SATB1: variants seen among roughly 807,000 people sequenced by gnomAD.
SATB1 encodes the protein DNA-binding protein SATB1.
A neutral mutation model predicts 86.9 loss-of-function variants in SATB1; 11 were observed. That is an observed-to-expected ratio of 0.13 (90% CI 0.08 to 0.21). The LOEUF (loss-of-function observed/expected upper bound fraction) is 0.21. SATB1 is among the 10% of genes least tolerant of loss of function. The pLI is 1.00. For synonymous variants in SATB1, 357 were observed against 357.2 expected (o/e 1.00, Z 0.01); for missense variants, 551 against 937.6 (o/e 0.59, Z 5.39).
At chr3:18,356,532 A>G (rs1694650766) in intron 9 of SATB1, among the ~76,000 whole-genome samples, 1 of 151,936 alleles carries the variant, frequency 6.6e-6, no homozygotes, top group Non-Finnish European at 1.5e-5. Flanking sequence ...GGTCCATGAA[A>G]CACATGACTG....
chr3:18,442,903 T>C (rs913731937), upstream of SATB1, among the ~76,000 whole-genome samples: 1 of 152,210 alleles, frequency 6.6e-6, no homozygotes, highest in African/African-American at 2.4e-5. Flanking sequence ...ATGAATGTAC[T>C]ACTGTTCTAA....
chr3:18,366,586 C>T (rs74544481), intron 9 of SATB1, among the ~76,000 whole-genome samples: 3,903 of 152,206 alleles, frequency 0.026, 168 homozygotes, highest in African/African-American at 0.087. Flanking sequence ...TGCTAGCAAT[C>T]ACCACCCTAC....
chr3:18,391,640 A>G (rs1001003526), intron 7 of SATB1, among the ~76,000 whole-genome samples: 8 of 148,866 alleles, frequency 5.4e-5, no homozygotes, highest in Non-Finnish European at 8.9e-5. Context: ...TTGGTTTTTT[A>G]ATGTTTTAAA....
intron 9 of SATB1, among the ~76,000 whole-genome samples, chr3:18,359,235 C>T (rs1010018389): frequency 1.3e-5 from 2 of 151,942 alleles, no homozygotes; most frequent in African/African-American, 2.4e-5. Context: ...TCTTAGGCTA[C>T]AAATCATTTG....
intron 9 of SATB1, among the ~76,000 whole-genome samples, chr3:18,364,299 G>T (rs190696590): frequency 6.6e-6 from 1 of 151,944 alleles, no homozygotes; most frequent in East Asian, 1.9e-4. Context: ...CTGAAATACA[G>T]GTATCAAAAA....
chr3:18,383,523 C>T (rs552958501), intron 8 of SATB1, among the ~76,000 whole-genome samples: 14 of 152,226 alleles, frequency 9.2e-5, no homozygotes, highest in Admixed American at 7.8e-4. Context: ...AACCCAAACC[C>T]AAGATTTGTC....
chr3:18,401,671 G>A (rs1163382300), intron 5 of SATB1, among the ~76,000 whole-genome samples: 1 of 152,162 alleles, frequency 6.6e-6, no homozygotes, highest in Non-Finnish European at 1.5e-5. Flanking sequence ...ATAGGCCACA[G>A]CTTCCAGTGT....
Position 18,394,731 on chromosome 3 carries a change from T to C in SATB1, c.937A>G (p.Ser313Gly), listed in dbSNP as rs185679944. ...LHPGLVSTPI[S>G]PQLVNQQLVM... ...AGCTGCTGGTTGACCAATTGAGGAC[T>C]GATAGGTGTTGATACGAGCCCAGGG... The change falls in exon 7 of 11, where the codon AGT becomes GGT. Residue 313 changes from serine (S) to glycine (G), a missense_variant. Physicochemically the swap from Ser to Gly is moderately conservative, Grantham distance 56. Around this residue, in one of 8 missense-constraint regions of SATB1, gnomAD observed 119 missense variants for 171.1 expected, o/e 0.70. Coordinates refer to ENST00000338745, the MANE Select transcript of SATB1 (RefSeq NM_002971.6). This position sits in a 1 kb window ranked among gnomAD's most constrained non-coding sequence, Gnocchi z 5.9. The C allele has an allele frequency of 3.1e-6, 5 of 1,614,096 alleles. No homozygotes were observed. In the Admixed American group the frequency reaches 8.3e-5, roughly 27 times the overall value.
Position 18,420,835 on chromosome 3 carries a change from G to C in SATB1, c.133C>G (p.Leu45Val). 6.2e-7 allele frequency: 1 copy of C among 1,614,162 alleles called. No homozygotes were observed. The change falls in exon 2 of 11, where the codon CTT (leucine) becomes GTT (valine). Residue 45 changes from leucine (L) to valine (V), a missense_variant. By Grantham distance (32) the Leu-to-Val change is conservative. This residue lies in a region of SATB1 where 153 missense variants were observed against 258.1 expected (regional missense o/e 0.59). Coordinates refer to ENST00000338745, the MANE Select transcript of SATB1 (RefSeq NM_002971.6). ...TGCATTTTTGCACCTGTACTCCCAAGCCTTCCTCTTCCTAGCGGGCTCCCG... is the reference window on the plus strand; with the variant it reads ...TGCATTTTTGCACCTGTACTCCCAACCCTTCCTCTTCCTAGCGGGCTCCCG... The part of the protein sequence containing the change: ...QNGSPLGRGR[L>V]GSTGAKMQGV...
Position 18,444,755 on chromosome 3 carries a change from C to A in SATB1, c.-25+763G>T. Reference sequence around the variant, plus strand: ...GCCGCCGCCGCCGGAGCTGCGGCTGCCGCGGAAGTTAATTGCAACTTGACT... The same window carrying A: ...GCCGCCGCCGCCGGAGCTGCGGCTGACGCGGAAGTTAATTGCAACTTGACT... On this transcript the variant is annotated intron_variant, in intron 1 of 3. Transcript: ENST00000415069. The surrounding 1 kb of genome is among the most constrained non-coding windows in gnomAD (Gnocchi z 5.1). The A allele has an allele frequency of 1.7e-6, 1 of 602,822 alleles. No individual in the cohort carries two copies. Among genetic ancestry groups the A allele is most frequent in the Non-Finnish European group, 2.1e-6 (1 of 480,974 alleles). 37.3% of individuals were successfully genotyped at this position (602,822 alleles called of 1,614,324 possible). A position where few individuals can be genotyped will look rare whatever the true frequency, so the allele number is the denominator to read the frequency against.
rs1276834098 is a variant in SATB1, at chr3:18,424,586, A to AG, written c.-985dup. On this transcript the variant is annotated 5_prime_UTR_variant, in exon 1 of 11. Coordinates refer to ENST00000338745, the MANE Select transcript of SATB1 (RefSeq NM_002971.6). ...GTGAGGAGAGAAGAGGTTCGGGGGG[A>AG]GGGGGAGGAGGAGGAAGATCAGAAG... 1 of 151,232 alleles carries AG rather than the reference A, an allele frequency of 6.6e-6. No homozygotes were observed. Among genetic ancestry groups the AG allele is most frequent in the African/African-American group, 2.4e-5 (1 of 40,984 alleles). The allele number at this position is 151,232 out of a possible 1,614,324, so 9.4% of individuals were successfully genotyped here.
chr3:18,409,161 T>A (rs1697702854), intron 5 of SATB1: 1 of 152,040 alleles, frequency 6.6e-6, no homozygotes, highest in Non-Finnish European at 1.5e-5. Context: ...CTTAAACTCT[T>A]TTATGTTTTA....
At position 18,352,339 on chromosome 3, in the gene SATB1, C is replaced by G; in HGVS notation, c.1576-144G>C. ...ATTCTGCTTTAAAAATTGTTTTTAACTTGTTAAGAGAGGTTATCTGTGGCT... is the reference window on the plus strand; with the variant it reads ...ATTCTGCTTTAAAAATTGTTTTTAAGTTGTTAAGAGAGGTTATCTGTGGCT... On this transcript the variant is annotated intron_variant, in intron 9 of 10. Transcript: ENST00000338745. The surrounding 1 kb of genome is among the most constrained non-coding windows in gnomAD (Gnocchi z 4.1). 1 of 677,326 alleles carries G rather than the reference C, an allele frequency of 1.5e-6. No individual in the cohort carries two copies. Among genetic ancestry groups the G allele is most frequent in the African/African-American group, 1.8e-5 (1 of 55,296 alleles). 42.0% of individuals were successfully genotyped at this position (677,326 alleles called of 1,614,324 possible).
At chr3:18,412,632 C>T (rs1227153262) in intron 5 of SATB1, among the ~76,000 whole-genome samples, 2 of 152,028 alleles carry the variant, frequency 1.3e-5, no homozygotes, top group East Asian at 3.9e-4. Context: ...TGTTAGGTCC[C>T]ATTTTGCTCA....
At chr3:18,373,424 T>C (rs546858834) in intron 9 of SATB1, among the ~76,000 whole-genome samples, 5 of 152,246 alleles carry the variant, frequency 3.3e-5, no homozygotes, top group African/African-American at 7.2e-5. Context: ...GAATAAAAGA[T>C]GCCTTCACTA....
chr3:18,367,172 G>A (rs943466412), intron 9 of SATB1, among the ~76,000 whole-genome samples: 3 of 152,180 alleles, frequency 2.0e-5, no homozygotes, highest in Admixed American at 6.5e-5. Flanking sequence ...TGTTTTCCAT[G>A]AATGATGCAA....
In SATB1 at chr3:18,404,906, A is replaced by G. The variant is rs572450867; in HGVS notation, c.640-7616T>C. On this transcript the variant is annotated intron_variant, in intron 5 of 10. Coordinates refer to ENST00000338745, the MANE Select transcript of SATB1 (RefSeq NM_002971.6). Reference sequence around the variant, plus strand: ...ATTAACTGCACACAGAAGCTGTAACATGAAGGGAACTGAACTAGATAATCT... The same window carrying G: ...ATTAACTGCACACAGAAGCTGTAACGTGAAGGGAACTGAACTAGATAATCT... Among the ~76,000 whole-genome samples, 5 of 152,164 alleles carry G rather than the reference A, an allele frequency of 3.3e-5. No individual in the cohort carries two copies. The East Asian group carries it at 9.7e-4, about 30-fold the overall frequency.
At chr3:18,375,157 C>T (rs929052967) in intron 9 of SATB1, among the ~76,000 whole-genome samples, 1 of 152,068 alleles carries the variant, frequency 6.6e-6, no homozygotes, top group African/African-American at 2.4e-5. Flanking sequence ...GACCAGTATC[C>T]CTAATTCCTC....
upstream of SATB1, among the ~76,000 whole-genome samples, chr3:18,439,575 T>C (rs568133243): frequency 6.6e-6 from 1 of 152,330 alleles, no homozygotes; most frequent in South Asian, 2.1e-4. Context: ...TTAGGAACGA[T>C]ATATAAATTA....
Sources: gnomAD v4.1 joint callset for allele counts (sites outside exome capture counted in the v4.1 genomes callset) on GRCh38, gnomAD v4.1.1 for gene constraint, gnomAD v4.1.1 regional missense constraint, Gnocchi (gnomAD v3.1) non-coding constraint, MANE v1.5 for transcripts, NCBI Gene and HGNC (gene_info 2026-07-23, HGNC 2026-07-21) for gene names.